Variants in FBXL7 observed in about 807,000 individuals in gnomAD.
The protein encoded by FBXL7 is F-box and leucine rich repeat protein 7, also known as F-box/LRR-repeat protein 7.
FBXL7 carries 12 observed loss-of-function variants against 38.3 expected under a neutral mutation model. That is an observed-to-expected ratio of 0.31 (90% confidence interval 0.20 to 0.51). The LOEUF is 0.51. FBXL7 is among the 20% of genes least tolerant of loss of function. The pLI, the probability that FBXL7 is intolerant of heterozygous loss-of-function variation, is 0.98. For missense variants in FBXL7, 567 were observed against 676.4 expected (o/e 0.84, Z 1.79); for synonymous variants, 297 against 300.9 (o/e 0.99, Z 0.13).
chr5:15,746,858 A>G lies in FBXL7; in HGVS notation c.127+130786A>G, dbSNP rs143781781. ...AAAACAAAATTTAAGGAAAACTGAAATAAATACATACTAAATACGAGTGCC... is the reference window on the plus strand; with the variant it reads ...AAAACAAAATTTAAGGAAAACTGAAGTAAATACATACTAAATACGAGTGCC... On this transcript the variant is annotated intron_variant, in intron 2 of 3. Transcript: ENST00000504595. Among the ~76,000 whole-genome samples, 70 of 152,314 alleles carry G rather than the reference A, an allele frequency of 4.6e-4. 1 individual carries two copies. The highest frequency in any genetic ancestry group is 1.7e-3 in the African/African-American group (69 of 41,568).
intron 2 of FBXL7, among the ~76,000 whole-genome samples, chr5:15,921,161 C>A (rs1270974942): frequency 6.6e-6 from 1 of 152,114 alleles, no homozygotes; most frequent in African/African-American, 2.4e-5. Flanking sequence ...GCAGGCAGAT[C>A]ACTTAAGGTC....
At chr5:15,710,772 C>A (rs1469153710) in intron 2 of FBXL7, among the ~76,000 whole-genome samples, 1 of 152,130 alleles carries the variant, frequency 6.6e-6, no homozygotes, top group African/African-American at 2.4e-5. Context: ...AACTGGGTGG[C>A]TTAAAACAAA....
chr5:15,731,947 G>A (rs983604308), intron 2 of FBXL7, among the ~76,000 whole-genome samples: 2 of 152,108 alleles, frequency 1.3e-5, no homozygotes, highest in African/African-American at 4.8e-5. Context: ...CTCACTTCAG[G>A]ACTGAACAAA....
chr5:15,613,510 C>T (rs985041199), intron 1 of FBXL7, among the ~76,000 whole-genome samples: 3 of 152,012 alleles, frequency 2.0e-5, no homozygotes, highest in South Asian at 4.2e-4. Flanking sequence ...GGGGTGGGGA[C>T]GAAGGGAATA....
intron 2 of FBXL7, among the ~76,000 whole-genome samples, chr5:15,855,980 C>A (rs916148872): frequency 6.6e-6 from 1 of 152,058 alleles, no homozygotes; most frequent in Non-Finnish European, 1.5e-5. Flanking sequence ...TTCAAACTAC[C>A]AAAGTAATAT....
At chr5:15,894,021 C>T (rs1426850296) in intron 2 of FBXL7, among the ~76,000 whole-genome samples, 1 of 152,254 alleles carries the variant, frequency 6.6e-6, no homozygotes, top group African/African-American at 2.4e-5. Context: ...GGCGCGGTGG[C>T]TTACGCCTGT....
At chr5:15,712,707 A>G (rs189732110) in intron 2 of FBXL7, among the ~76,000 whole-genome samples, 20 of 152,288 alleles carry the variant, frequency 1.3e-4, no homozygotes, top group Admixed American at 1.2e-3. Flanking sequence ...AAAAGGAAGC[A>G]AAGAAAGGAA....
intron 2 of FBXL7, among the ~76,000 whole-genome samples, chr5:15,679,133 C>T (rs1742754870): frequency 6.6e-6 from 1 of 152,172 alleles, no homozygotes; most frequent in Non-Finnish European, 1.5e-5. Flanking sequence ...CATCCTGACT[C>T]TAGTTTTTTG....
chr5:15,567,151 T>C (rs1440531031), intron 1 of FBXL7, among the ~76,000 whole-genome samples: 1 of 152,132 alleles, frequency 6.6e-6, no homozygotes, highest in Non-Finnish European at 1.5e-5. Flanking sequence ...GTTTTTTTCC[T>C]ATAGACCAAA....
intron 2 of FBXL7, among the ~76,000 whole-genome samples, chr5:15,734,217 G>A (rs1193325752): frequency 6.6e-6 from 1 of 151,902 alleles, no homozygotes; most frequent in Admixed American, 6.6e-5. Context: ...CACAGATCCT[G>A]CTGCACAGGC....
rs927995688 is a variant in FBXL7 at position 15,912,671 on chromosome 5, G to A, written c.128-15219G>A. ...ATGGAGCTTTCTATTAAAAAAAAAAGAAGTATGACAAGTTCTGAAAACTAA... is the reference window on the plus strand; with the variant it reads ...ATGGAGCTTTCTATTAAAAAAAAAAAAAGTATGACAAGTTCTGAAAACTAA... On this transcript the variant is annotated intron_variant, in intron 2 of 3. Transcript: ENST00000504595. Among the ~76,000 whole-genome samples the A allele has an allele frequency of 6.8e-4, 103 of 151,518 alleles. 1 individual carries two copies. The highest frequency in any genetic ancestry group is 2.5e-3 in the African/African-American group (102 of 41,118).
chr5:15,785,569 C>T (rs1019504296), intron 2 of FBXL7, among the ~76,000 whole-genome samples: 2 of 152,164 alleles, frequency 1.3e-5, no homozygotes, highest in Admixed American at 6.5e-5. Context: ...CCAATCACCT[C>T]CCTCCTCCAT....
chr5:15,932,447 C>T lies in FBXL7; in HGVS notation c.739+3946C>T, dbSNP rs552069382. Among the ~76,000 whole-genome samples the T allele has an allele frequency of 9.9e-5, 15 of 152,232 alleles. No individual in the cohort carries two copies. The East Asian group carries it at 2.1e-3, about 22-fold the overall frequency. The stretch of plus-strand genomic sequence containing the variant: ...GTAATAAAGAGCATATTTGTGAAAG[C>T]GGAATGAAATCTGGGATTAACTGAA... On this transcript the variant is annotated intron_variant, in intron 3 of 3. Transcript: ENST00000504595.
chr5:15,809,738 G>A (rs1044844832), intron 2 of FBXL7, among the ~76,000 whole-genome samples: 3 of 152,260 alleles, frequency 2.0e-5, no homozygotes, highest in African/African-American at 7.2e-5. Flanking sequence ...AGTTAAACAG[G>A]AAACAGAACT....
chr5:15,522,220 A>G (rs938023681), intron 1 of FBXL7, among the ~76,000 whole-genome samples: 3 of 151,952 alleles, frequency 2.0e-5, no homozygotes, highest in Non-Finnish European at 2.9e-5. Flanking sequence ...TGCCCTCACC[A>G]TAGTTCCCCC....
chr5:15,793,636 G>C lies in FBXL7; in HGVS notation c.128-134254G>C, dbSNP rs558213651. On this transcript the variant is annotated intron_variant, in intron 2 of 3. Coordinates refer to ENST00000504595, the MANE Select transcript of FBXL7 (RefSeq NM_012304.5). ...GTGGGTAGGAACACAAAAGCCCTGG[G>C]TGCAAAGGTGTTTTAGGAGTTTAGT... 3.3e-5 allele frequency among the ~76,000 whole-genome samples: 5 copies of C among 152,316 alleles called. No homozygotes were observed. The South Asian group carries it at 8.3e-4, about 25-fold the overall frequency.
chr5:15,606,951 A>G (rs1252676465), intron 1 of FBXL7: 2 of 152,218 alleles, frequency 1.3e-5, no homozygotes, highest in East Asian at 1.9e-4. Flanking sequence ...AAAAACTAAT[A>G]TGCACCTGGG....
intron 2 of FBXL7, among the ~76,000 whole-genome samples, chr5:15,642,435 A>G (rs1220303605): frequency 6.6e-6 from 1 of 152,214 alleles, no homozygotes; most frequent in Non-Finnish European, 1.5e-5. Context: ...TAAGAACGTT[A>G]TGCCTTACAC....
At chr5:15,570,516 CT>C (rs770818891) in intron 1 of FBXL7, among the ~76,000 whole-genome samples, 1 of 152,028 alleles carries the variant, frequency 6.6e-6, no homozygotes, top group Non-Finnish European at 1.5e-5. Flanking sequence ...CTTGCTGTCT[CT>C]TTCTTCTTAT....
Sources: gnomAD v4.1 joint callset for allele counts (sites outside exome capture counted in the v4.1 genomes callset) on GRCh38, gnomAD v4.1.1 for gene constraint, MANE v1.5 for transcripts, NCBI Gene and HGNC (gene_info 2026-07-23, HGNC 2026-07-21) for gene names.